Variants in TRMT2B observed in about 807,000 individuals in gnomAD.
TRMT2B encodes tRNA (uracil-5-)-methyltransferase homolog B.
A neutral mutation model predicts 39.7 loss-of-function variants in TRMT2B; 34 were observed. The observed-to-expected ratio is 0.86, with a 90% confidence interval of 0.65 to 1.14. TRMT2B has a LOEUF of 1.14. Among genes scored for constraint, TRMT2B ranks in the 50% most tolerant of loss-of-function variants. The pLI, the probability that TRMT2B is intolerant of heterozygous loss-of-function variation, is 0.00. For missense variants in TRMT2B, 318 were observed against 377.2 expected, an observed-to-expected ratio of 0.84 and a Z score of 1.30; for synonymous variants, 132 against 137.3, an observed-to-expected ratio of 0.96 and a Z score of 0.27.
At chrX:100,982,594 G>A in the TRMT2B span, among the ~76,000 whole-genome samples, 1 of 109,488 alleles carries the variant, frequency 9.1e-6, no homozygotes, top group Non-Finnish European at 1.9e-5. Flanking sequence ...CCTACTGACG[G>A]GACCTGGAGA....
the TRMT2B span, among the ~76,000 whole-genome samples, chrX:100,994,807 A>G: frequency 9.0e-6 from 1 of 111,155 alleles, no homozygotes; most frequent in Non-Finnish European, 1.9e-5. Context: ...GTCTTGCTCT[A>G]TCACCCAGAT....
In TRMT2B at chrX:101,027,931, C is replaced by CT. The variant is rs61380609; in HGVS notation, c.610-4316dup. ...CTTGCTCTACACAAAACACCTGGGG[C>CT]TTTTTTTTTATATTAAGGTATAACT... On this transcript the variant is annotated intron_variant, in intron 7 of 13. Transcript: ENST00000372936. 6.2e-3 allele frequency among the ~76,000 whole-genome samples: 660 copies of CT among 107,258 alleles called. 7 individuals carry two copies. Among genetic ancestry groups the CT allele is most frequent in the African/African-American group, 0.021 (611 of 29,507 alleles). 93.1% of individuals were successfully genotyped at this position (107,258 alleles called of 115,157 possible).
the TRMT2B span, among the ~76,000 whole-genome samples, chrX:100,975,066 T>C: frequency 2.7e-5 from 3 of 111,824 alleles, no homozygotes; most frequent in African/African-American, 6.5e-5. Flanking sequence ...GGACTTAATA[T>C]AAAAGTCTGA....
In TRMT2B at chrX:101,010,797, T is replaced by C. The variant is rs764832185; in HGVS notation, c.1389-90A>G. Reference sequence around the variant, plus strand: ...GCCTAAAATAGAGGCCCTTCCACTGTGTTCCCACAGGCCCCCTGTGTTTCT... The same window carrying C: ...GCCTAAAATAGAGGCCCTTCCACTGCGTTCCCACAGGCCCCCTGTGTTTCT... On this transcript the variant is annotated intron_variant, in intron 13 of 13. Transcript: ENST00000372936. The C allele has an allele frequency of 2.5e-5, 23 of 938,022 alleles. No individual in the cohort carries two copies. In the Admixed American group the frequency reaches 6.9e-4, roughly 28 times the overall value. The allele number at this position is 938,022 out of a possible 1,213,427, so 77.3% of individuals were successfully genotyped here.
chrX:101,009,739 C>G lies in TRMT2B; in HGVS notation c.*842G>C, dbSNP rs756962861. ...AAGGGGCATTCGAGATGCCTTAAAA[C>G]CAAGAAAACCCAAAAGAATTAATCT... On this transcript the variant is annotated 3_prime_UTR_variant, in exon 14 of 14. Transcript: ENST00000372936. 4.0e-5 allele frequency: 4 copies of G among 100,957 alleles called. No individual in the cohort carries two copies. The highest frequency in any genetic ancestry group is 6.0e-5 in the Non-Finnish European group (3 of 49,877). 8.3% of individuals were successfully genotyped at this position (100,957 alleles called of 1,213,427 possible). A position where few individuals can be genotyped will look rare whatever the true frequency, so the allele number is the denominator to read the frequency against.
chrX:100,980,554 C>G, the TRMT2B span, among the ~76,000 whole-genome samples: 1 of 110,853 alleles, frequency 9.0e-6, no homozygotes, highest in Non-Finnish European at 1.9e-5. Flanking sequence ...GAATCAGGGA[C>G]TTCAGGAGTC....
the TRMT2B span, among the ~76,000 whole-genome samples, chrX:101,000,788 G>A: frequency 3.6e-5 from 4 of 111,309 alleles, no homozygotes; most frequent in Admixed American, 2.9e-4. Flanking sequence ...ACAGTCATCT[G>A]GAGAGCTTTT....
intron 7 of TRMT2B, among the ~76,000 whole-genome samples, chrX:101,026,475 C>CAAAA (rs55926567): frequency 1.6e-5 from 1 of 64,165 alleles, no homozygotes; most frequent in African/African-American, 5.7e-5. Context: ...AACTCCGTCT[C>CAAAA]AAAAAAAAAA....
At chrX:101,050,423 T>C (rs2088987749) in intron 2 of TRMT2B, among the ~76,000 whole-genome samples, 1 of 112,864 alleles carries the variant, frequency 8.9e-6, no homozygotes, top group African/African-American at 3.2e-5. Flanking sequence ...TATTTTGTCC[T>C]GTTTTAAATA....
At chrX:101,035,029 C>CAAAAAAT (rs200843929) in intron 7 of TRMT2B, among the ~76,000 whole-genome samples, 15 of 110,146 alleles carry the variant, frequency 1.4e-4, no homozygotes, top group Middle Eastern at 4.7e-3. Flanking sequence ...GAGACTGTCT[C>CAAAAAAT]AAAAAATAAA....
chrX:101,049,882 C>T (rs1466942279), intron 2 of TRMT2B, among the ~76,000 whole-genome samples: 1 of 111,086 alleles, frequency 9.0e-6, no homozygotes, highest in African/African-American at 3.3e-5. Context: ...AGGCAAGAGA[C>T]ATAAAGAATG....
At chrX:100,981,821 A>C in the TRMT2B span, among the ~76,000 whole-genome samples, 1 of 105,432 alleles carries the variant, frequency 9.5e-6, no homozygotes, top group Non-Finnish European at 1.9e-5. Flanking sequence ...AAAAAGAAAA[A>C]AATACAGATG....
downstream of TRMT2B, among the ~76,000 whole-genome samples, chrX:101,008,808 C>T (rs190715516): frequency 3.3e-4 from 37 of 111,127 alleles, no homozygotes; most frequent in African/African-American, 1.1e-3. Flanking sequence ...CACCCCATGG[C>T]CAGGTACCAG....
At chrX:101,044,717 G>A (rs1384926667) in intron 2 of TRMT2B, among the ~76,000 whole-genome samples, 1 of 109,431 alleles carries the variant, frequency 9.1e-6, no homozygotes, top group African/African-American at 3.3e-5. Context: ...GCATGCACCT[G>A]TAGTCCCAGC....
At chrX:100,983,751 A>T in the TRMT2B span, among the ~76,000 whole-genome samples, 1 of 112,035 alleles carries the variant, frequency 8.9e-6, no homozygotes, top group Non-Finnish European at 1.9e-5. Flanking sequence ...ATAATTTAAC[A>T]GTTCATTGCC....
At chrX:101,036,888 G>A (rs1445726129) in intron 6 of TRMT2B, 86 bp downstream of exon 6, 1 of 714,403 alleles carries the variant, frequency 1.4e-6, no homozygotes, top group Non-Finnish European at 2.2e-6. Flanking sequence ...TCTTCTTTAA[G>A]GCCACCGTAT....
intron 2 of TRMT2B, among the ~76,000 whole-genome samples, chrX:101,049,297 C>T (rs1207507963): frequency 9.2e-6 from 1 of 108,856 alleles, no homozygotes; most frequent in East Asian, 2.9e-4. Flanking sequence ...AGTTTGAGAC[C>T]AGTCTGGGCA....
the TRMT2B span, among the ~76,000 whole-genome samples, chrX:100,981,744 G>C: frequency 9.2e-5 from 10 of 108,565 alleles, no homozygotes; most frequent in South Asian, 3.1e-3. Context: ...AGGAGGTCAA[G>C]GCTGCAGTGA....
downstream of TRMT2B, among the ~76,000 whole-genome samples, chrX:101,006,548 A>C (rs1415107937): frequency 9.0e-6 from 1 of 111,101 alleles, no homozygotes. Context: ...CATGCCTGTA[A>C]TCTCAGCACT....
Sources: allele counts gnomAD v4.1 joint callset (sites outside exome capture counted in the v4.1 genomes callset), GRCh38; gene constraint gnomAD v4.1.1; transcripts MANE v1.5; gene names NCBI Gene and HGNC (gene_info 2026-07-23, HGNC 2026-07-21).